Variants in EPB41L2 observed in about 807,000 individuals in gnomAD.
The protein encoded by EPB41L2 is erythrocyte membrane protein band 4.1 like 2.
EPB41L2 carries 43 observed loss-of-function variants against 113.0 expected under a neutral mutation model. The observed-to-expected ratio is 0.38, with a 90% CI of 0.30 to 0.49. EPB41L2 has a LOEUF of 0.49. Ranked by LOEUF, EPB41L2 falls within the 20% of genes least tolerant of loss-of-function variation. The probability of loss-of-function intolerance (pLI) is 0.95; values close to 1 mark genes in which losing one functional copy is unlikely to be tolerated. For missense variants in EPB41L2, 1,147 were observed against 1,223.4 expected, an observed-to-expected ratio of 0.94 and a Z score of 0.93; for synonymous variants, 442 against 436.7, an observed-to-expected ratio of 1.01 and a Z score of -0.15.
intron 19 of EPB41L2, among the ~76,000 whole-genome samples, chr6:130,854,250 G>A (rs1039496199): frequency 3.3e-5 from 5 of 151,986 alleles, no homozygotes; most frequent in Admixed American, 6.6e-5. Flanking sequence ...TGCCAAGGAG[G>A]GGGACCATGT....
chr6:131,014,862 T>C (rs941518090), intron 1 of EPB41L2, among the ~76,000 whole-genome samples: 9 of 152,178 alleles, frequency 5.9e-5, no homozygotes, highest in Non-Finnish European at 1.3e-4. Flanking sequence ...ATTTAAATTA[T>C]TCCAGCATAA....
chr6:130,855,931 T>C (rs751341391), intron 19 of EPB41L2, among the ~76,000 whole-genome samples: 11 of 152,134 alleles, frequency 7.2e-5, no homozygotes, highest in Non-Finnish European at 1.6e-4. Flanking sequence ...AGACCCATTA[T>C]AAAGTTATAG....
At chr6:130,928,442 A>G (rs1034156747) in intron 3 of EPB41L2, among the ~76,000 whole-genome samples, 2 of 152,376 alleles carry the variant, frequency 1.3e-5, no homozygotes, top group East Asian at 1.9e-4. Context: ...AAAGAGTTGC[A>G]GTACATAACA....
rs544820567 is a variant in EPB41L2, at chr6:130,887,263, T to TAA, written c.1661-1996_1661-1995insTT. Among the ~76,000 whole-genome samples the TAA allele has an allele frequency of 6.5e-4, 99 of 152,338 alleles. 2 individuals carry two copies. The South Asian group carries it at 0.019, about 30-fold the overall frequency. ...AGGTCTTAAACATCTGAGAAGCTTG[T>TAA]AGGCCCTGGCAGAGCCCAAGATACC... On this transcript the variant is annotated intron_variant, in intron 11 of 19. Transcript: ENST00000337057.
chr6:130,842,419 T>C (rs1775802581), intron 19 of EPB41L2, among the ~76,000 whole-genome samples: 1 of 152,204 alleles, frequency 6.6e-6, no homozygotes, highest in Non-Finnish European at 1.5e-5. Context: ...GGCAGTTATA[T>C]GACACCTTCA....
intron 3 of EPB41L2, among the ~76,000 whole-genome samples, chr6:130,939,794 T>G (rs1810171966): frequency 1.3e-5 from 2 of 152,224 alleles, no homozygotes; most frequent in Non-Finnish European, 2.9e-5. Flanking sequence ...GAGAGCCTAA[T>G]GGTAACTTTG....
chr6:130,894,163 A>C lies in EPB41L2; in HGVS notation c.1487+181T>G, dbSNP rs377756804. Among the ~76,000 whole-genome samples the C allele has an allele frequency of 2.0e-5, 3 of 152,258 alleles. No homozygotes were observed. The East Asian group carries it at 5.8e-4, about 29-fold the overall frequency. Reference sequence around the variant, plus strand: ...CTCCTAATTCACAGAGGTTACTAAAAGCAATACCAAGCTGTTTTCTTTCTT... The same window carrying C: ...CTCCTAATTCACAGAGGTTACTAAACGCAATACCAAGCTGTTTTCTTTCTT... On this transcript the variant is annotated intron_variant, in intron 10 of 19. Transcript: ENST00000337057.
At chr6:130,944,302 TA>T (rs2128593794) in intron 3 of EPB41L2, among the ~76,000 whole-genome samples, 1 of 152,040 alleles carries the variant, frequency 6.6e-6, no homozygotes, top group South Asian at 2.1e-4. Context: ...GATAGAAAGA[TA>T]AAAACTTTAT....
intron 1 of EPB41L2, among the ~76,000 whole-genome samples, chr6:131,007,358 C>T (rs1785841052): frequency 6.6e-6 from 1 of 152,162 alleles, no homozygotes; most frequent in Admixed American, 6.5e-5. Flanking sequence ...GCTTCCCCAG[C>T]CAAATGGAAC....
At chr6:130,967,150 C>G (rs1775449304) in intron 1 of EPB41L2, among the ~76,000 whole-genome samples, 1 of 152,140 alleles carries the variant, frequency 6.6e-6, no homozygotes, top group Non-Finnish European at 1.5e-5. Context: ...CACACATACT[C>G]AAGTCCTGCT....
At chr6:130,953,369 G>GCTTC (rs1333669544) in intron 3 of EPB41L2, among the ~76,000 whole-genome samples, 1 of 152,076 alleles carries the variant, frequency 6.6e-6, no homozygotes, top group Non-Finnish European at 1.5e-5. Context: ...TGGTCTCAAT[G>GCTTC]CTTCCCTCCA....
chr6:131,056,159 G>A (rs1012874169), intron 1 of EPB41L2, among the ~76,000 whole-genome samples: 1 of 152,108 alleles, frequency 6.6e-6, no homozygotes, highest in African/African-American at 2.4e-5. Flanking sequence ...ATGTGTGCAG[G>A]TATATTTCAC....
chr6:130,988,335 G>A (rs141004515), intron 1 of EPB41L2, among the ~76,000 whole-genome samples: 101 of 152,280 alleles, frequency 6.6e-4, no homozygotes, highest in African/African-American at 2.3e-3. Flanking sequence ...TTGAAGTGAT[G>A]TAACACCTAA....
At chr6:130,931,816 T>G (rs1370882927) in intron 3 of EPB41L2, among the ~76,000 whole-genome samples, 1 of 152,154 alleles carries the variant, frequency 6.6e-6, no homozygotes. Flanking sequence ...TGTTCCATCT[T>G]TCTTGAGAAT....
chr6:130,858,022 G>A (rs1306920548), intron 19 of EPB41L2, 109 bp downstream of exon 19: 10 of 865,244 alleles, frequency 1.2e-5, no homozygotes, highest in Non-Finnish European at 5.8e-6. Context: ...AAAGTCAAAT[G>A]TACTATAGGA....
intron 1 of EPB41L2, among the ~76,000 whole-genome samples, chr6:131,051,543 G>A (rs1453981750): frequency 6.6e-6 from 1 of 151,368 alleles, no homozygotes; most frequent in African/African-American, 2.4e-5. Context: ...TTTAGAAGAT[G>A]GAAAGCAGAT....
chr6:131,055,796 A>C (rs1797466476), intron 1 of EPB41L2, among the ~76,000 whole-genome samples: 1 of 152,204 alleles, frequency 6.6e-6, no homozygotes, highest in South Asian at 2.1e-4. Flanking sequence ...ACATATGTAA[A>C]GTACCAATTA....
In EPB41L2 at chr6:130,891,683, T is replaced by C. The variant is rs1299664151; in HGVS notation, c.1488-1217A>G. 5.9e-5 allele frequency among the ~76,000 whole-genome samples: 9 copies of C among 152,174 alleles called. No homozygotes were observed. The South Asian group carries it at 8.3e-4, about 14-fold the overall frequency. On this transcript the variant is annotated intron_variant, in intron 10 of 19. Transcript: ENST00000337057. ...CAGGCTGGTCTCAAACTCCTGACCT[T>C]GTGATCCACCCGCCTCAGCCTCCCA... is the stretch of plus-strand genomic sequence containing the variant.
At chr6:131,008,332 C>T (rs571241941) in intron 1 of EPB41L2, among the ~76,000 whole-genome samples, 3 of 152,348 alleles carry the variant, frequency 2.0e-5, no homozygotes, top group African/African-American at 7.2e-5. Flanking sequence ...ACCCTGCGGG[C>T]GCGCAGAAGT....
Sources: gnomAD v4.1 joint callset for allele counts (sites outside exome capture counted in the v4.1 genomes callset) on GRCh38, gnomAD v4.1.1 for gene constraint, MANE v1.5 for transcripts, NCBI Gene and HGNC (gene_info 2026-07-23, HGNC 2026-07-21) for gene names.